The following PRKN variants were observed in gnomAD, a reference collection of about 807,000 sequenced individuals.
PRKN encodes parkin RBR E3 ubiquitin protein ligase, also known as E3 ubiquitin-protein ligase parkin.
Under a neutral mutation model 59.5 loss-of-function variants are expected in PRKN, and 56 were observed. The observed-to-expected ratio is 0.94, with a 90% CI of 0.76 to 1.18. PRKN has a LOEUF of 1.18. Ranked by LOEUF, PRKN falls within the 50% of genes most tolerant of loss-of-function variation. PRKN has a pLI of 0.00. For synonymous variants in PRKN, 250 were observed against 222.1 expected (o/e 1.13, Z -1.12); for missense variants, 657 against 596.4 (o/e 1.10, Z -1.06).
intron 7 of PRKN, among the ~76,000 whole-genome samples, chr6:161,630,610 T>A (rs1474851224): frequency 2.6e-5 from 4 of 152,062 alleles, no homozygotes; most frequent in African/African-American, 7.2e-5. Flanking sequence ...TTTACCAGAG[T>A]CAAATTCAAA....
At chr6:162,161,403 G>A (rs1195219787) in intron 4 of PRKN, among the ~76,000 whole-genome samples, 2 of 152,112 alleles carry the variant, frequency 1.3e-5, no homozygotes, top group Admixed American at 1.3e-4. Flanking sequence ...CCTTATCTGC[G>A]GTTTTACTTT....
chr6:162,630,020 T>C (rs914333306), intron 1 of PRKN, among the ~76,000 whole-genome samples: 4 of 152,158 alleles, frequency 2.6e-5, no homozygotes, highest in Admixed American at 6.5e-5. Context: ...TGGGCCAGGA[T>C]TATGACTGAT....
At chr6:162,630,860 T>C (rs1042557941) in intron 1 of PRKN, among the ~76,000 whole-genome samples, 2 of 152,136 alleles carry the variant, frequency 1.3e-5, no homozygotes, top group African/African-American at 4.8e-5. Flanking sequence ...CAACCAGAAT[T>C]GCTAACTTGT....
intron 6 of PRKN, among the ~76,000 whole-genome samples, chr6:161,930,456 C>T (rs191460268): frequency 6.6e-6 from 1 of 152,316 alleles, no homozygotes; most frequent in East Asian, 1.9e-4. Flanking sequence ...CAGGTTTACA[C>T]AATTTAGTAA....
At chr6:162,053,927 A>C in intron 5 of PRKN, among the ~76,000 whole-genome samples, 164 bp downstream of exon 5, 1 of 152,220 alleles carries the variant, frequency 6.6e-6, no homozygotes, top group East Asian at 1.9e-4. Context: ...ACAGGTTGGA[A>C]TTTTGGTGAA....
rs1002793913 is a variant in PRKN, at chr6:161,544,633, T to C, written c.1083+4221A>G. On this transcript the variant is annotated intron_variant, in intron 9 of 11. Transcript: ENST00000366898. The surrounding 1 kb of genome is among the most constrained non-coding windows in gnomAD (Gnocchi z 5.5). ...GGAATATAAAGACAGGAAACCACTG[T>C]AACACTGCAGCTTGAATTCTGGGAG... 3.3e-5 allele frequency among the ~76,000 whole-genome samples: 5 copies of C among 152,170 alleles called. No individual in the cohort carries two copies. The highest frequency in any genetic ancestry group is 3.2e-3 in the Middle Eastern group (1 of 316).
chr6:162,486,647 T>C (rs1792551617), intron 1 of PRKN, among the ~76,000 whole-genome samples: 1 of 152,246 alleles, frequency 6.6e-6, no homozygotes, highest in African/African-American at 2.4e-5. Context: ...GTTGTTTTAC[T>C]TGACATTCTA....
At chr6:161,696,867 C>A (rs750225768) in intron 7 of PRKN, among the ~76,000 whole-genome samples, 1 of 152,158 alleles carries the variant, frequency 6.6e-6, no homozygotes, top group Non-Finnish European at 1.5e-5. Context: ...TACTAAGCAT[C>A]CAACTTCCCG....
At chr6:161,769,299 C>A (rs549814332) in intron 7 of PRKN, among the ~76,000 whole-genome samples, 79 of 152,292 alleles carry the variant, frequency 5.2e-4, no homozygotes, top group Middle Eastern at 3.4e-3. Flanking sequence ...CTGTGCCAGT[C>A]ATTTTTATAT....
chr6:162,047,493 G>T (rs1222307352), intron 5 of PRKN, among the ~76,000 whole-genome samples: 4 of 151,626 alleles, frequency 2.6e-5, no homozygotes, highest in Non-Finnish European at 5.9e-5. Context: ...CAATCCAAGA[G>T]CATTTCTTAA....
intron 3 of PRKN, among the ~76,000 whole-genome samples, chr6:162,255,302 G>A (rs77180051): frequency 4.6e-5 from 7 of 152,114 alleles, no homozygotes; most frequent in East Asian, 1.9e-4. Context: ...GAAAGCAAAG[G>A]GATAACTGAA....
At chr6:161,699,175 C>T (rs1786145643) in intron 7 of PRKN, among the ~76,000 whole-genome samples, 1 of 152,016 alleles carries the variant, frequency 6.6e-6, no homozygotes, top group African/African-American at 2.4e-5. Flanking sequence ...TAAAACCACA[C>T]CTATTAGAAT....
intron 7 of PRKN, among the ~76,000 whole-genome samples, chr6:161,767,474 G>A (rs948383029): frequency 2.0e-5 from 3 of 150,160 alleles, no homozygotes; most frequent in Non-Finnish European, 4.4e-5. Flanking sequence ...CCAAGATCAG[G>A]CCACTGCACT....
chr6:162,034,142 TGTG>T (rs1437134995), intron 5 of PRKN, among the ~76,000 whole-genome samples: 1 of 141,384 alleles, frequency 7.1e-6, no homozygotes, highest in Non-Finnish European at 1.5e-5. Context: ...GTCATTCAAT[TGTG>T]TGTGTGTGTG....
intron 6 of PRKN, among the ~76,000 whole-genome samples, chr6:161,955,861 A>C (rs2128247085): frequency 6.6e-6 from 1 of 152,322 alleles, no homozygotes; most frequent in South Asian, 2.1e-4. Context: ...AAAAAATAAA[A>C]ATAAATAAAT....
At chr6:162,550,827 C>T (rs541617259) in intron 1 of PRKN, among the ~76,000 whole-genome samples, 16 of 152,198 alleles carry the variant, frequency 1.1e-4, no homozygotes, top group Admixed American at 2.0e-4. Flanking sequence ...TGTCATGCTG[C>T]GACGGTGCCA....
At chr6:162,478,725 C>T (rs1236395258) in intron 1 of PRKN, among the ~76,000 whole-genome samples, 1 of 152,190 alleles carries the variant, frequency 6.6e-6, no homozygotes, top group Non-Finnish European at 1.5e-5. Flanking sequence ...CACCTAGGCT[C>T]TATGGGGCAG....
At chr6:162,408,439 G>A (rs1345878084) in intron 2 of PRKN, among the ~76,000 whole-genome samples, 1 of 152,144 alleles carries the variant, frequency 6.6e-6, no homozygotes, top group Non-Finnish European at 1.5e-5. Flanking sequence ...ATATGATTTT[G>A]AGAGGAATTA....
intron 1 of PRKN, among the ~76,000 whole-genome samples, chr6:162,636,009 T>C (rs937216610): frequency 6.6e-6 from 1 of 152,124 alleles, no homozygotes; most frequent in African/African-American, 2.4e-5. Context: ...CATCCTTGGG[T>C]TAAGGAATTC....
Sources: gnomAD v4.1 joint callset for allele counts (sites outside exome capture counted in the v4.1 genomes callset) on GRCh38, gnomAD v4.1.1 for gene constraint, Gnocchi (gnomAD v3.1) non-coding constraint, MANE v1.5 for transcripts, NCBI Gene and HGNC (gene_info 2026-07-23, HGNC 2026-07-21) for gene names.